The following RBM26 variants were observed in gnomAD, a reference collection of about 807,000 sequenced individuals.
The protein encoded by RBM26 is RNA binding motif protein 26, also known as RNA-binding protein 26.
In RBM26, 30 loss-of-function variants were observed where a neutral mutation model predicts 123.6. The observed-to-expected ratio is 0.24, with a 90% confidence interval of 0.18 to 0.33. The LOEUF (loss-of-function observed/expected upper bound fraction) is 0.33, where lower values mean the gene tolerates loss of function less well. Ranked by LOEUF, RBM26 falls within the 10% of genes least tolerant of loss-of-function variation. RBM26 has a pLI of 1.00. For synonymous variants in RBM26, 400 were observed against 404.4 expected (o/e 0.99, Z 0.13); for missense variants, 947 against 1,203.6 (o/e 0.79, Z 3.15).
At chr13:79,315,169 T>C (rs1304885882), downstream of RBM26, among the ~76,000 whole-genome samples, 1 of 151,752 alleles carries the variant, frequency 6.6e-6, no homozygotes, top group African/African-American at 2.4e-5. Flanking sequence ...AAAATGATTT[T>C]ACCAAAACCT....
intron 1 of RBM26, among the ~76,000 whole-genome samples, chr13:79,395,949 T>C (rs952046510): frequency 2.0e-5 from 3 of 152,004 alleles, no homozygotes. Flanking sequence ...ACCAATGAAC[T>C]TTCCAAAACC....
chr13:79,352,356 T>C (rs1390015605), intron 14 of RBM26, among the ~76,000 whole-genome samples: 3 of 152,260 alleles, frequency 2.0e-5, no homozygotes, highest in African/African-American at 4.8e-5. Flanking sequence ...TGTTTGGGCC[T>C]TGACTTTAAG....
chr13:79,315,050 C>T, downstream of RBM26: 1 of 1,032,250 alleles, frequency 9.7e-7, no homozygotes, highest in Non-Finnish European at 1.3e-6. Context: ...AAATCTAAAA[C>T]TTGAATCACA....
At chr13:79,398,077 T>C (rs1157202765) in intron 1 of RBM26, among the ~76,000 whole-genome samples, 1 of 152,186 alleles carries the variant, frequency 6.6e-6, no homozygotes. Flanking sequence ...AGTTACTGCA[T>C]GTAAATTGAA....
intron 1 of RBM26, among the ~76,000 whole-genome samples, chr13:79,399,574 G>A (rs2078889984): frequency 1.3e-5 from 2 of 152,232 alleles, no homozygotes; most frequent in South Asian, 4.1e-4. Flanking sequence ...TTTCTTAAAG[G>A]CAAGCTAAAA....
At chr13:79,352,544 C>T (rs914529829) in intron 14 of RBM26, among the ~76,000 whole-genome samples, 13 of 151,682 alleles carry the variant, frequency 8.6e-5, no homozygotes, top group Non-Finnish European at 1.9e-4. Flanking sequence ...ATTTACCCCC[C>T]TTCATTTAAA....
Position 79,405,879 on chromosome 13 carries a change from C to T in RBM26, c.-105G>A. 1 of 595,218 alleles carries T rather than the reference C, an allele frequency of 1.7e-6. No individual in the cohort carries two copies. The highest frequency in any genetic ancestry group is 2.5e-6 in the Non-Finnish European group (1 of 405,996). The allele number at this position is 595,218 out of a possible 1,614,324, so 36.9% of individuals were successfully genotyped here. ...TCCTCCGCGCGCCGCCCGCGTGGGC[C>T]GCGGTGGGAGGCGCCGGTGGCAGGT... On this transcript the variant is annotated 5_prime_UTR_variant, in exon 1 of 22. Transcript: ENST00000438737.
At chr13:79,380,910 T>A (rs74813313) in intron 1 of RBM26, among the ~76,000 whole-genome samples, 4,328 of 152,166 alleles carry the variant, frequency 0.028, 168 homozygotes, top group African/African-American at 0.085. Context: ...CAATTAACAA[T>A]GTCAGGACGG....
intron 14 of RBM26, among the ~76,000 whole-genome samples, chr13:79,347,822 T>G (rs2072589319): frequency 6.6e-6 from 1 of 152,052 alleles, no homozygotes; most frequent in Non-Finnish European, 1.5e-5. Flanking sequence ...AAAATAAAAG[T>G]GATGCAAATG....
At chr13:79,339,834 C>T (rs2071068588) in intron 18 of RBM26, among the ~76,000 whole-genome samples, 1 of 152,062 alleles carries the variant, frequency 6.6e-6, no homozygotes, top group Admixed American at 6.5e-5. Flanking sequence ...CACCAGTTTT[C>T]TATTAACAAC....
intron 3 of RBM26, among the ~76,000 whole-genome samples, chr13:79,373,914 T>C (rs2076402930): frequency 6.6e-6 from 1 of 151,158 alleles, no homozygotes; most frequent in Admixed American, 6.7e-5. Flanking sequence ...CCAGACTATA[T>C]TGTTGAGAAT....
chr13:79,319,847 A>T lies in RBM26; in HGVS notation c.*774T>A, dbSNP rs569337262. The T allele has an allele frequency of 1.0e-6, 1 of 980,450 alleles. No homozygotes were observed. Among genetic ancestry groups the T allele is most frequent in the East Asian group, 1.1e-4 (1 of 8,726 alleles). 60.7% of individuals were successfully genotyped at this position (980,450 alleles called of 1,614,324 possible). The stretch of plus-strand genomic sequence containing the variant: ...AGTGATTATAGCTCCTTTTGTGATA[A>T]TTGGGGGGAAGGGTAGATCACCATC... On this transcript the variant is annotated 3_prime_UTR_variant, in exon 22 of 22. Transcript: ENST00000438737.
At chr13:79,359,723 T>G in intron 9 of RBM26, 37 bp from the exon 10 acceptor site, 1 of 1,180,276 alleles carries the variant, frequency 8.5e-7, no homozygotes, top group Admixed American at 2.7e-5. Flanking sequence ...AAAATAAGCA[T>G]AGGTTAATAT....
chr13:79,395,745 TAAAC>T (rs534794345), intron 1 of RBM26, among the ~76,000 whole-genome samples: 222 of 151,930 alleles, frequency 1.5e-3, no homozygotes, highest in African/African-American at 4.5e-3. Flanking sequence ...GCACTGTTTC[TAAAC>T]AAACAAACAA....
chr13:79,382,918 T>G (rs961922835), intron 1 of RBM26, among the ~76,000 whole-genome samples: 12 of 12,824 alleles, frequency 9.4e-4, no homozygotes, highest in Admixed American at 3.4e-3. Flanking sequence ...TTTCTAGGGA[T>G]TCTCAGCCTA....
chr13:79,395,054 A>G (rs2078435571), intron 1 of RBM26, among the ~76,000 whole-genome samples: 1 of 152,134 alleles, frequency 6.6e-6, no homozygotes, highest in Non-Finnish European at 1.5e-5. Context: ...CTCAGCCTCC[A>G]CTCAAGTGGC....
At chr13:79,357,905 A>G (rs9318628) in intron 11 of RBM26, among the ~76,000 whole-genome samples, 146,707 of 148,688 alleles carry the variant, frequency 0.99, 72,419 homozygotes, top group East Asian at 1. Context: ...TTTTTGAGAC[A>G]GAGTTTTGCT....
At chr13:79,343,101 C>G (rs1201498111) in intron 16 of RBM26, among the ~76,000 whole-genome samples, 2 of 151,750 alleles carry the variant, frequency 1.3e-5, no homozygotes, top group South Asian at 4.1e-4. Flanking sequence ...AGCACACAAC[C>G]AGAAGAAACT....
chr13:79,367,434 A>G (rs1210596877), intron 6 of RBM26, among the ~76,000 whole-genome samples: 2 of 44,274 alleles, frequency 4.5e-5, no homozygotes, highest in Non-Finnish European at 1.0e-4. Context: ...AAAAAAAAAG[A>G]AGAAGAAGAG....
Sources: allele counts gnomAD v4.1 joint callset (sites outside exome capture counted in the v4.1 genomes callset), GRCh38; gene constraint gnomAD v4.1.1; transcripts MANE v1.5; gene names NCBI Gene and HGNC (gene_info 2026-07-23, HGNC 2026-07-21).